CCDC33: variants seen among roughly 807,000 people sequenced by gnomAD.
CCDC33 encodes coiled-coil domain-containing protein 33.
A neutral mutation model predicts 91.9 loss-of-function variants in CCDC33; 94 were observed. That is an observed-to-expected ratio of 1.02 (90% confidence interval 0.87 to 1.21). The LOEUF (loss-of-function observed/expected upper bound fraction) is 1.21. Among genes scored for constraint, CCDC33 ranks in the 50% most tolerant of loss-of-function variants. The pLI is 0.00. For missense variants in CCDC33, 940 were observed against 935.5 expected (o/e 1.00, Z -0.06); for synonymous variants, 396 against 374.5 (o/e 1.06, Z -0.66).
intron 10 of CCDC33, among the ~76,000 whole-genome samples, chr15:74,288,633 G>T (rs187321237): frequency 2.6e-5 from 4 of 152,292 alleles, no homozygotes; most frequent in Admixed American, 6.5e-5. Flanking sequence ...CTTAGACAGG[G>T]TTTCTCTCCC....
intron 11 of CCDC33, among the ~76,000 whole-genome samples, chr15:74,324,556 A>G (rs934282846): frequency 1.3e-5 from 2 of 151,802 alleles, no homozygotes; most frequent in African/African-American, 4.8e-5. Flanking sequence ...CTCTCTGGCA[A>G]TTGCGCTAGT....
intron 11 of CCDC33, among the ~76,000 whole-genome samples, chr15:74,320,672 A>C (rs1316137915): frequency 6.6e-6 from 1 of 152,120 alleles, no homozygotes; most frequent in African/African-American, 2.4e-5. Flanking sequence ...TGCCTCCTCC[A>C]GGCTCCCACC....
intron 11 of CCDC33, among the ~76,000 whole-genome samples, chr15:74,309,141 C>T (rs2059945372): frequency 6.6e-6 from 1 of 152,124 alleles, no homozygotes; most frequent in African/African-American, 2.4e-5. Context: ...AGACATGCTA[C>T]CCCCCGCCCT....
chr15:74,331,794 C>T (rs1021287654), intron 15 of CCDC33, among the ~76,000 whole-genome samples: 4 of 152,190 alleles, frequency 2.6e-5, no homozygotes, highest in African/African-American at 7.2e-5. Context: ...CTTTGGGAGG[C>T]CGAGGAGGGC....
intron 1 of CCDC33, chr15:74,208,660 C>T (rs1263120039): frequency 4.1e-6 from 4 of 967,518 alleles, no homozygotes; most frequent in Non-Finnish European, 4.9e-6. Context: ...ATCAGAATTG[C>T]TCCAGCCCAT....
intron 1 of CCDC33, among the ~76,000 whole-genome samples, chr15:74,217,782 C>T (rs749667669): frequency 3.9e-5 from 6 of 152,028 alleles, no homozygotes; most frequent in Non-Finnish European, 5.9e-5. Flanking sequence ...GGCATGGGGA[C>T]ACTGGTGCCT....
chr15:74,305,711 A>G (rs2059880959), intron 11 of CCDC33, among the ~76,000 whole-genome samples: 1 of 152,140 alleles, frequency 6.6e-6, no homozygotes, highest in African/African-American at 2.4e-5. Flanking sequence ...TGGTACATGC[A>G]CCTACTCATT....
intron 2 of CCDC33, chr15:74,221,294 C>T: frequency 1.0e-6 from 1 of 959,950 alleles, no homozygotes; most frequent in Non-Finnish European, 1.2e-6. Context: ...GGCAGGAGAG[C>T]AGGATGAGCA....
chr15:74,271,767 G>A lies in CCDC33; in HGVS notation c.611G>A (p.Arg204Gln), dbSNP rs201169237. Residue 204 changes from arginine to glutamine, a missense_variant, in exon 6 of 19, where the codon CGG (arginine) becomes CAG (glutamine). Arg to Gln is a conservative substitution (Grantham distance 43). Transcript: ENST00000398814. ...NNPNPIVVIA[R>Q]VVPNYKEFKV... Reference sequence around the variant, plus strand: ...CCCAACCCCATAGTGGTGATTGCCCGGGTCGTTCCCAACTACAAGGAATTT... The same window carrying A: ...CCCAACCCCATAGTGGTGATTGCCCAGGTCGTTCCCAACTACAAGGAATTT... 3.4e-4 allele frequency: 549 copies of A among 1,613,740 alleles called. 5 individuals are homozygous for A. Among genetic ancestry groups the A allele is most frequent in the Non-Finnish European group, 2.4e-4 (286 of 1,179,846 alleles).
At position 74,218,583 on chromosome 15, in the gene CCDC33, C is replaced by A. The variant is rs549514707; in HGVS notation, c.397C>A (p.Arg133=). 5.4e-6 allele frequency: 7 copies of A among 1,289,834 alleles called. No homozygotes were observed. In the South Asian group the frequency reaches 8.6e-5, roughly 16 times the overall value. The allele number at this position is 1,289,834 out of a possible 1,614,324, so 79.9% of individuals were successfully genotyped here. A position where few individuals can be genotyped will look rare whatever the true frequency, so the allele number is the denominator to read the frequency against. Reference sequence around the variant, plus strand: ...CGAACCCTTGGGACGGGCAGCCCAGCGGGTGGGTGAGGCCATCTTCCCCAT... The same window carrying A: ...CGAACCCTTGGGACGGGCAGCCCAGAGGGTGGGTGAGGCCATCTTCCCCAT... The change falls in exon 2 of 3, where the codon CGG becomes AGG. Residue 133 remains arginine (R), a synonymous_variant. Coordinates refer to the CCDC33 transcript ENST00000635913. This position sits in a 1 kb window ranked among gnomAD's most constrained non-coding sequence, Gnocchi z 4.8.
chr15:74,242,200 G>A (rs1357202785), intron 1 of CCDC33, among the ~76,000 whole-genome samples: 1 of 152,250 alleles, frequency 6.6e-6, no homozygotes, highest in Non-Finnish European at 1.5e-5. Flanking sequence ...GTCGGTCCAA[G>A]TCCTCATCTC....
upstream of CCDC33, among the ~76,000 whole-genome samples, chr15:74,232,155 G>A (rs903696671): frequency 3.3e-5 from 5 of 152,188 alleles, no homozygotes; most frequent in Admixed American, 3.3e-4. Context: ...GAAGGGGCTG[G>A]TGGTGACGAT....
chr15:74,322,177 A>G (rs934759732), intron 11 of CCDC33, among the ~76,000 whole-genome samples: 13 of 152,288 alleles, frequency 8.5e-5, no homozygotes, highest in African/African-American at 3.1e-4. Flanking sequence ...ATAACAAACT[A>G]CCCCAAAATG....
chr15:74,221,070 G>A (rs2142150431), intron 2 of CCDC33, among the ~76,000 whole-genome samples: 1 of 152,252 alleles, frequency 6.6e-6, no homozygotes, highest in Non-Finnish European at 1.5e-5. Flanking sequence ...CCTCTTCCAG[G>A]AAGCCTTCCC....
At chr15:74,314,418 G>A (rs1043516656) in intron 11 of CCDC33, among the ~76,000 whole-genome samples, 1 of 152,200 alleles carries the variant, frequency 6.6e-6, no homozygotes, top group African/African-American at 2.4e-5. Flanking sequence ...CTCCCCTAGA[G>A]ATGGAAGGAG....
Position 74,271,712 on chromosome 15 carries a change from C to T in CCDC33, c.556C>T (p.Arg186Trp), listed in dbSNP as rs201603982. Residue 186 changes from arginine (R) to tryptophan (W), a missense_variant, in exon 6 of 19, where the codon CGG (arginine) becomes TGG (tryptophan). Transcript: ENST00000398814. The stretch of plus-strand genomic sequence containing the variant: ...CTCCTCTCCTCTCCAGATCTTTCTC[C>T]GGGGAGTCAACGAGCCCCTGGCCAA... ...CNHMALEIFL[R>W]GVNEPLANNP... is the part of the protein sequence containing the mutation. The T allele has an allele frequency of 4.1e-4, 662 of 1,613,356 alleles. 1 individual carries two copies. The highest frequency in any genetic ancestry group is 1.7e-3 in the Middle Eastern group (10 of 6,058).
chr15:74,280,155 G>T, intron 8 of CCDC33, 63 bp downstream of exon 8: 1 of 1,591,280 alleles, frequency 6.3e-7, no homozygotes, highest in South Asian at 1.1e-5. Flanking sequence ...TTATGAAAGG[G>T]TGTTCAGACC....
chr15:74,244,635 T>C lies in CCDC33; in HGVS notation c.185+487T>C, dbSNP rs1188383309. Among the ~76,000 whole-genome samples the C allele has an allele frequency of 6.6e-6, 1 of 151,818 alleles. No homozygotes were observed. The highest frequency in any genetic ancestry group is 1.5e-5 in the Non-Finnish European group (1 of 67,952). On this transcript the variant is annotated intron_variant, in intron 2 of 18. Coordinates refer to ENST00000398814, the MANE Select transcript of CCDC33 (RefSeq NM_025055.5). This position sits in a 1 kb window ranked among gnomAD's most constrained non-coding sequence, Gnocchi z 4.2. ...ATGGGGACTCCCCTAGTTCTGGGCC[T>C]TTAATGCACCCCACACACCCCCTCC...
chr15:74,319,508 C>A (rs1210078526), intron 11 of CCDC33: 1 of 152,612 alleles, frequency 6.6e-6, no homozygotes, highest in Admixed American at 6.5e-5. Flanking sequence ...GAATGCCCAG[C>A]CCTGTACTCA....
Sources: allele counts gnomAD v4.1 joint callset (sites outside exome capture counted in the v4.1 genomes callset), GRCh38; gene constraint gnomAD v4.1.1; non-coding constraint Gnocchi (gnomAD v3.1); transcripts MANE v1.5; gene names NCBI Gene and HGNC (gene_info 2026-07-23, HGNC 2026-07-21).